VGLL4: variants seen among roughly 807,000 people sequenced by gnomAD.
VGLL4 encodes transcription cofactor vestigial-like protein 4.
Under a neutral mutation model 21.0 loss-of-function variants are expected in VGLL4, and 7 were observed. The ratio of observed to expected loss-of-function variants is 0.33; its 90% CI spans 0.19 to 0.63. The LOEUF is 0.63. VGLL4 is among the 20% of genes least tolerant of loss of function. The probability of loss-of-function intolerance (pLI) is 0.78; values close to 1 mark genes in which losing one functional copy is unlikely to be tolerated. For missense variants in VGLL4, 394 were observed against 425.7 expected, an observed-to-expected ratio of 0.93 and a Z score of 0.66; for synonymous variants, 222 against 173.2, an observed-to-expected ratio of 1.28 and a Z score of -2.21.
intron 1 of VGLL4, among the ~76,000 whole-genome samples, chr3:11,619,999 G>A (rs1664613658): frequency 6.6e-6 from 1 of 152,030 alleles, no homozygotes; most frequent in South Asian, 2.1e-4. Flanking sequence ...TTTATTGTTA[G>A]TGGTGGCAGC....
chr3:11,647,916 G>C (rs899595990), upstream of VGLL4, among the ~76,000 whole-genome samples: 1 of 151,578 alleles, frequency 6.6e-6, no homozygotes, highest in African/African-American at 2.4e-5. Flanking sequence ...ATCTCTTGGA[G>C]ACCACAGGTC....
chr3:11,682,382 G>A (rs1289698974), intron 2 of VGLL4, among the ~76,000 whole-genome samples: 1 of 145,868 alleles, frequency 6.9e-6, no homozygotes, highest in Non-Finnish European at 1.5e-5. Flanking sequence ...TCCAGCCCGG[G>A]TGACAGTACA....
intron 2 of VGLL4, among the ~76,000 whole-genome samples, chr3:11,686,733 A>G (rs2076454488): frequency 6.6e-6 from 1 of 152,188 alleles, no homozygotes; most frequent in Non-Finnish European, 1.5e-5. Context: ...TTTTGTCCCT[A>G]TGACATATAA....
At position 11,643,463 on chromosome 3, in the gene VGLL4, T is replaced by C. The variant is rs1379164958; in HGVS notation, c.56A>G (p.Asn19Ser). 2.5e-6 allele frequency: 4 copies of C among 1,614,010 alleles called. No homozygotes were observed. Among genetic ancestry groups the C allele is most frequent in the South Asian group, 1.1e-5 (1 of 91,082 alleles). ...LNYQYLDKMN[N>S]NIGILCYEGE... ...TTCGTAGCACAGAATGCCGATATTG[T>C]TGTTCATCTTGTCCAAGTACTGATA... The change falls in exon 1 of 5, where the codon AAC becomes AGC. Residue 19 changes from asparagine (N) to serine (S), a missense_variant. Coordinates refer to ENST00000430365, the MANE Select transcript of VGLL4 (RefSeq NM_001128219.3).
chr3:11,581,148 C>A (rs867824209), intron 2 of VGLL4, among the ~76,000 whole-genome samples: 8 of 151,588 alleles, frequency 5.3e-5, no homozygotes, highest in Non-Finnish European at 1.0e-4. Context: ...CTCACTGCAA[C>A]CTCTGCCTCC....
At chr3:11,572,808 C>T (rs1471884617) in intron 2 of VGLL4, among the ~76,000 whole-genome samples, 9 of 152,054 alleles carry the variant, frequency 5.9e-5, no homozygotes, top group Non-Finnish European at 1.2e-4. Flanking sequence ...ACGAATACAC[C>T]ACTGCATATG....
intron 2 of VGLL4, among the ~76,000 whole-genome samples, chr3:11,665,101 CT>C (rs59999510): frequency 0.13 from 12,520 of 96,722 alleles, 1,632 homozygotes; most frequent in Admixed American, 0.22. Context: ...GAATATTTTT[CT>C]TTTTTTTTTT....
intron 1 of VGLL4, among the ~76,000 whole-genome samples, chr3:11,716,735 C>G (rs2076923796): frequency 6.6e-6 from 1 of 152,052 alleles, no homozygotes; most frequent in South Asian, 2.1e-4. Context: ...CCTACCTTGG[C>G]AGTTTGTATC....
intron 2 of VGLL4, among the ~76,000 whole-genome samples, chr3:11,652,744 G>A (rs920412446): frequency 2.0e-5 from 3 of 152,100 alleles, no homozygotes; most frequent in East Asian, 3.8e-4. Flanking sequence ...TCAGTGCGAG[G>A]GAAGGGAATT....
At chr3:11,667,821 G>T (rs1287554211) in intron 2 of VGLL4, among the ~76,000 whole-genome samples, 2 of 145,414 alleles carry the variant, frequency 1.4e-5, no homozygotes, top group Non-Finnish European at 3.0e-5. Flanking sequence ...TTTCATGAGG[G>T]TCTCAAATTT....
chr3:11,696,308 T>G (rs2076606136), intron 2 of VGLL4, among the ~76,000 whole-genome samples: 2 of 152,234 alleles, frequency 1.3e-5, no homozygotes, highest in Non-Finnish European at 2.9e-5. Context: ...TAAGCCTTTA[T>G]TATTCCTGGG....
At chr3:11,609,973 C>T (rs868731986) in intron 1 of VGLL4, among the ~76,000 whole-genome samples, 5 of 152,124 alleles carry the variant, frequency 3.3e-5, no homozygotes, top group Non-Finnish European at 5.9e-5. Flanking sequence ...CTTAAATCTC[C>T]GCTGTGTCTA....
intron 2 of VGLL4, among the ~76,000 whole-genome samples, chr3:11,655,100 G>A (rs186121819): frequency 2.0e-4 from 30 of 152,288 alleles, no homozygotes; most frequent in Admixed American, 1.5e-3. Context: ...GTTTTGAACC[G>A]TGGCCATACA....
rs1168142133 is a variant in VGLL4 at position 11,643,012 on chromosome 3, G to A, written c.82+425C>T. Among the ~76,000 whole-genome samples, 4 of 152,338 alleles carry A rather than the reference G, an allele frequency of 2.6e-5. No homozygotes were observed. In the South Asian group the frequency reaches 8.3e-4, roughly 32 times the overall value. On this transcript the variant is annotated intron_variant, in intron 1 of 4. Coordinates refer to ENST00000430365, the MANE Select transcript of VGLL4 (RefSeq NM_001128219.3). ...TGTAACTTTGGCTCCCCCTCCGTGAGCTGCAGGGCGCCGTGGCCCACAGCA... is the reference window on the plus strand; with the variant it reads ...TGTAACTTTGGCTCCCCCTCCGTGAACTGCAGGGCGCCGTGGCCCACAGCA...
Position 11,558,130 on chromosome 3 carries a change from A to ACCAAACAC in VGLL4, c.*418_*425dup, listed in dbSNP as rs558544680. ...ATACACACGCACACACATGGACCGA[A>ACCAAACAC]CCAAACACGCCGTGGAAGCTGAGCC... is the stretch of plus-strand genomic sequence containing the variant. On this transcript the variant is annotated 3_prime_UTR_variant, in exon 5 of 5. Coordinates refer to ENST00000430365, the MANE Select transcript of VGLL4 (RefSeq NM_001128219.3). 4.0e-5 allele frequency: 9 copies of ACCAAACAC among 226,144 alleles called. No homozygotes were observed. The East Asian group carries it at 4.9e-4, about 12-fold the overall frequency. 14.0% of individuals were successfully genotyped at this position (226,144 alleles called of 1,614,324 possible).
intron 2 of VGLL4, among the ~76,000 whole-genome samples, chr3:11,658,914 C>G (rs1001173418): frequency 2.6e-5 from 4 of 152,068 alleles, no homozygotes; most frequent in Admixed American, 1.3e-4. Context: ...TTTTGCTGAG[C>G]CCAGAAGCAG....
At chr3:11,570,868 C>T (rs369472026) in intron 2 of VGLL4, among the ~76,000 whole-genome samples, 4 of 152,324 alleles carry the variant, frequency 2.6e-5, no homozygotes, top group East Asian at 3.9e-4. Context: ...AACTCATCAC[C>T]GTGGCTTCTC....
At chr3:11,663,308 A>ACCT (rs2076061718) in intron 2 of VGLL4, among the ~76,000 whole-genome samples, 1 of 152,238 alleles carries the variant, frequency 6.6e-6, no homozygotes, top group Non-Finnish European at 1.5e-5. Flanking sequence ...CAAAGTTTGA[A>ACCT]GTCCAGGATA....
At chr3:11,566,479 T>C (rs1209722540) in intron 2 of VGLL4, among the ~76,000 whole-genome samples, 1 of 152,160 alleles carries the variant, frequency 6.6e-6, no homozygotes, top group Non-Finnish European at 1.5e-5. Flanking sequence ...TCCAACCACA[T>C]CCAGCCCTTA....
Sources: gnomAD v4.1 joint callset for allele counts (sites outside exome capture counted in the v4.1 genomes callset) on GRCh38, gnomAD v4.1.1 for gene constraint, MANE v1.5 for transcripts, NCBI Gene and HGNC (gene_info 2026-07-23, HGNC 2026-07-21) for gene names.